The following IGFL2 variants were observed in gnomAD, a reference collection of about 807,000 sequenced individuals.
The protein encoded by IGFL2 is insulin growth factor-like family member 2.
Under a neutral mutation model 13.9 loss-of-function variants are expected in IGFL2, and 7 were observed. The ratio of observed to expected loss-of-function variants is 0.51; its 90% CI spans 0.29 to 0.95. The LOEUF (loss-of-function observed/expected upper bound fraction) is 0.95, where lower values mean the gene tolerates loss of function less well. IGFL2 is among the 40% of genes least tolerant of loss of function. IGFL2 has a pLI of 0.08. For synonymous variants in IGFL2, 55 were observed against 55.8 expected, an observed-to-expected ratio of 0.99 and a Z score of 0.07; for missense variants, 138 against 147.8, an observed-to-expected ratio of 0.93 and a Z score of 0.34.
Position 46,160,760 on chromosome 19 carries a change from C to T in IGFL2, c.220C>T (p.Pro74Ser). 3 of 1,614,182 alleles carry T rather than the reference C, an allele frequency of 1.9e-6. No individual in the cohort carries two copies. Among genetic ancestry groups the T allele is most frequent in the South Asian group, 2.2e-5 (2 of 91,080 alleles). Residue 74 changes from proline to serine, a missense_variant, in exon 3 of 4, where the codon CCC (proline) becomes TCC (serine). Pro to Ser is a moderately conservative substitution (Grantham distance 74). Coordinates refer to ENST00000377693, the MANE Select transcript of IGFL2 (RefSeq NM_001135113.2). ...ATGTGGTCCCCCCTGCACCTTCTGG[C>T]CCTGCTTTGAGCTCTGCTGTCTTGA... ...RQCGPPCTFW[P>S]CFELCCLDSF...
upstream of IGFL2, among the ~76,000 whole-genome samples, chr19:46,144,798 A>G (rs1973032951): frequency 6.6e-6 from 1 of 152,054 alleles, no homozygotes; most frequent in African/African-American, 2.4e-5. Context: ...CCCCAAACCC[A>G]ACCCCAACCC....
the IGFL2 span, among the ~76,000 whole-genome samples, chr19:46,121,311 C>T: frequency 6.7e-6 from 1 of 148,874 alleles, no homozygotes; most frequent in Non-Finnish European, 1.5e-5. Flanking sequence ...TCACTTGAGC[C>T]CAGGAGGTTG....
chr19:46,116,968 C>A, the IGFL2 span, among the ~76,000 whole-genome samples: 3 of 151,932 alleles, frequency 2.0e-5, no homozygotes, highest in East Asian at 5.8e-4. Context: ...TTAAATTAGG[C>A]AATTATAATA....
At chr19:46,168,642 T>G in the IGFL2 span, among the ~76,000 whole-genome samples, 1 of 152,170 alleles carries the variant, frequency 6.6e-6, no homozygotes, top group South Asian at 2.1e-4. Context: ...GACAAACAAC[T>G]TTGTATCAAC....
the IGFL2 span, among the ~76,000 whole-genome samples, chr19:46,171,004 A>G: frequency 6.6e-6 from 1 of 151,862 alleles, no homozygotes; most frequent in African/African-American, 2.4e-5. Context: ...CCCACACCCT[A>G]TTCGTACACT....
chr19:46,184,986 C>T, the IGFL2 span, among the ~76,000 whole-genome samples: 1 of 152,196 alleles, frequency 6.6e-6, no homozygotes, highest in African/African-American at 2.4e-5. Context: ...ATTTGCATTT[C>T]TCTGATGACT....
At chr19:46,184,734 T>C in the IGFL2 span, among the ~76,000 whole-genome samples, 1 of 152,230 alleles carries the variant, frequency 6.6e-6, no homozygotes, top group Non-Finnish European at 1.5e-5. Flanking sequence ...CATGTGTGTT[T>C]ATAGTAGAAT....
chr19:46,105,513 G>C, the IGFL2 span, among the ~76,000 whole-genome samples: 1 of 152,164 alleles, frequency 6.6e-6, no homozygotes, highest in African/African-American at 2.4e-5. Flanking sequence ...AGTTAGATCA[G>C]AGAGATACAG....
At chr19:46,115,069 T>C in the IGFL2 span, among the ~76,000 whole-genome samples, 1 of 152,350 alleles carries the variant, frequency 6.6e-6, no homozygotes, top group East Asian at 1.9e-4. Flanking sequence ...GTGACTCTTG[T>C]GCATGCTAAT....
the IGFL2 span, among the ~76,000 whole-genome samples, chr19:46,084,943 T>C: frequency 6.6e-6 from 1 of 152,130 alleles, no homozygotes; most frequent in Non-Finnish European, 1.5e-5. Flanking sequence ...CTTTACTCAT[T>C]CCGGCATCAA....
intron 1 of IGFL2, among the ~76,000 whole-genome samples, chr19:46,150,696 G>A (rs1175157411): frequency 2.6e-5 from 4 of 151,568 alleles, no homozygotes; most frequent in African/African-American, 9.7e-5. Flanking sequence ...TAAGAGGCAG[G>A]GTCTCACTCT....
the IGFL2 span, chr19:46,124,736 C>T: frequency 1.7e-6 from 2 of 1,169,212 alleles, no homozygotes; most frequent in African/African-American, 3.1e-5. Context: ...TGTCTGTTAA[C>T]CTGGTAAGTT....
the IGFL2 span, among the ~76,000 whole-genome samples, chr19:46,193,996 G>C: frequency 6.6e-6 from 1 of 152,128 alleles, no homozygotes; most frequent in African/African-American, 2.4e-5. Context: ...GAAACTTTGC[G>C]GTCATCAGAC....
At chr19:46,155,817 ACT>A (rs1255250169) in intron 1 of IGFL2, among the ~76,000 whole-genome samples, 1 of 151,854 alleles carries the variant, frequency 6.6e-6, no homozygotes, top group Non-Finnish European at 1.5e-5. Flanking sequence ...CTGTATCTGA[ACT>A]CTGTTTCATT....
chr19:46,180,786 C>T, the IGFL2 span: 1 of 152,166 alleles, frequency 6.6e-6, no homozygotes, highest in East Asian at 1.9e-4. Context: ...TCCAAGGGTC[C>T]AAAAGTCAAA....
chr19:46,141,318 A>G (rs1972847985), upstream of IGFL2, among the ~76,000 whole-genome samples: 1 of 152,218 alleles, frequency 6.6e-6, no homozygotes. Context: ...CAAGGTGATA[A>G]TAGTGTGCCG....
the IGFL2 span, among the ~76,000 whole-genome samples, chr19:46,186,233 G>A: frequency 1.3e-5 from 2 of 152,206 alleles, no homozygotes; most frequent in African/African-American, 4.8e-5. Context: ...GGAAACGGCC[G>A]TGGATCAGGC....
At chr19:46,098,451 C>T in the IGFL2 span, among the ~76,000 whole-genome samples, 1 of 149,532 alleles carries the variant, frequency 6.7e-6, no homozygotes, top group Non-Finnish European at 1.5e-5. Flanking sequence ...TGGGTCTTGA[C>T]TCTTTATCCA....
chr19:46,150,287 A>G (rs1481326931), intron 1 of IGFL2, among the ~76,000 whole-genome samples: 1 of 152,190 alleles, frequency 6.6e-6, no homozygotes, highest in African/African-American at 2.4e-5. Context: ...CCCTTATCAT[A>G]TATATAATTT....
Sources: gnomAD v4.1 joint callset for allele counts (sites outside exome capture counted in the v4.1 genomes callset) on GRCh38, gnomAD v4.1.1 for gene constraint, MANE v1.5 for transcripts, NCBI Gene and HGNC (gene_info 2026-07-23, HGNC 2026-07-21) for gene names.